Variants in ZC3H7A observed in about 807,000 individuals in gnomAD.
The protein encoded by ZC3H7A is zinc finger CCCH domain-containing protein 7A.
In ZC3H7A, 44 loss-of-function variants were observed where a neutral mutation model predicts 125.5. The observed-to-expected ratio is 0.35, with a 90% CI of 0.28 to 0.45. The LOEUF (loss-of-function observed/expected upper bound fraction) is 0.45, where lower values mean the gene tolerates loss of function less well. Among genes scored for constraint, ZC3H7A ranks in the 20% least tolerant of loss-of-function variants. The pLI, the probability that ZC3H7A is intolerant of heterozygous loss-of-function variation, is 1.00. For missense variants in ZC3H7A, 977 were observed against 1,170.7 expected, an observed-to-expected ratio of 0.83 and a Z score of 2.41; for synonymous variants, 399 against 391.2, an observed-to-expected ratio of 1.02 and a Z score of -0.23.
chr16:11,784,341 T>A (rs1040243577), intron 1 of ZC3H7A, among the ~76,000 whole-genome samples: 1 of 151,974 alleles, frequency 6.6e-6, no homozygotes, highest in Non-Finnish European at 1.5e-5. Flanking sequence ...ATTTATATAT[T>A]TTTTTAATTT....
chr16:11,774,091 G>A (rs1021274386), intron 9 of ZC3H7A, 145 bp downstream of exon 9: 3 of 762,404 alleles, frequency 3.9e-6, no homozygotes, highest in Non-Finnish European at 3.7e-6. Context: ...AGTTTCAGTA[G>A]AGAAGAAAAA....
rs1351178952 is a variant in ZC3H7A, at chr16:11,751,079, T to A, written c.*238A>T. The A allele has an allele frequency of 2.4e-6, 1 of 416,060 alleles. No individual in the cohort carries two copies. Among genetic ancestry groups the A allele is most frequent in the African/African-American group, 2.0e-5 (1 of 49,428 alleles). The allele number at this position is 416,060 out of a possible 1,614,324, so 25.8% of individuals were successfully genotyped here. ...CCAACACACTTCATCCAAAAGTCTG[T>A]TCAACAGATGGCAACCGGGTAGCAG... On this transcript the variant is annotated 3_prime_UTR_variant, in exon 23 of 23. Coordinates refer to ENST00000355758, the MANE Select transcript of ZC3H7A (RefSeq NM_014153.4).
chr16:11,795,231 T>C (rs1475097584), intron 1 of ZC3H7A, among the ~76,000 whole-genome samples: 1 of 152,134 alleles, frequency 6.6e-6, no homozygotes, highest in Admixed American at 6.5e-5. Context: ...TTTGGCTCAG[T>C]ATGAGAAGGA....
rs201654517 is a variant in ZC3H7A at position 11,794,542 on chromosome 16, G to GA, written c.-35+2581dup. Among the ~76,000 whole-genome samples, 1,204 of 151,512 alleles carry GA rather than the reference G, an allele frequency of 7.9e-3. 16 individuals carry two copies. The highest frequency in any genetic ancestry group is 0.027 in the African/African-American group (1,126 of 41,338). ...ATTCTGGAGAAAAATATTTTCACTA[G>GA]AAAAAAAACAAAACAAAACAGAACA... On this transcript the variant is annotated intron_variant, in intron 1 of 22. Transcript: ENST00000355758.
intron 1 of ZC3H7A, among the ~76,000 whole-genome samples, chr16:11,787,045 T>A (rs193163454): frequency 6.6e-6 from 1 of 152,116 alleles, no homozygotes; most frequent in Non-Finnish European, 1.5e-5. Flanking sequence ...CAGAGCCCTA[T>A]CAGGATATAG....
chr16:11,761,567 C>CA, intron 18 of ZC3H7A, 56 bp from the exon 19 acceptor site: 1 of 1,577,840 alleles, frequency 6.3e-7, no homozygotes, highest in East Asian at 2.2e-5. Context: ...AGACATAACA[C>CA]AAAGGGAGAG....
At position 11,775,013 on chromosome 16, in the gene ZC3H7A, C is replaced by A. The variant is rs142087765; in HGVS notation, c.586G>T (p.Ala196Ser). ...KSVPGDGATK[A>S]LNHSVEDIEP... Reference sequence around the variant, plus strand: ...ATATCTTCCACAGAATGGTTCAAAGCCTAGAAATTAAACCAAACAATGGGT... The same window carrying A: ...ATATCTTCCACAGAATGGTTCAAAGACTAGAAATTAAACCAAACAATGGGT... The change falls in exon 8 of 23, where the codon GCT (alanine) becomes TCT (serine). Residue 196 changes from alanine to serine, a missense_variant and splice_region_variant. Coordinates refer to ENST00000355758, the MANE Select transcript of ZC3H7A (RefSeq NM_014153.4). 10 of 1,614,024 alleles carry A rather than the reference C, an allele frequency of 6.2e-6. No individual in the cohort carries two copies. In the African/African-American group the frequency reaches 1.1e-4, roughly 17 times the overall value.
At position 11,768,387 on chromosome 16, in the gene ZC3H7A, C is replaced by T. The variant is rs1488057967; in HGVS notation, c.1288G>A (p.Val430Met). The T allele has an allele frequency of 6.3e-6, 10 of 1,598,582 alleles. No homozygotes were observed. The highest frequency in any genetic ancestry group is 7.7e-6 in the Non-Finnish European group (9 of 1,169,904). Residue 430 changes from valine (V) to methionine (M), a missense_variant, in exon 12 of 23, where the codon GTG becomes ATG. By Grantham distance (21) the Val-to-Met change is conservative. Coordinates refer to ENST00000355758, the MANE Select transcript of ZC3H7A (RefSeq NM_014153.4). ...GSAVTKPSSS[V>M]TPRHPLEGTH... ...CCTTCGAGGGGATGTCTTGGAGTCA[C>T]TGATGAAGATGGTTTGGTAACTGCA...
At chr16:11,754,324 ATAT>A (rs2052601818) in intron 21 of ZC3H7A, among the ~76,000 whole-genome samples, 1 of 94,960 alleles carries the variant, frequency 1.1e-5, no homozygotes, top group African/African-American at 4.3e-5. Context: ...AAAAAAAAAT[ATAT>A]ATATATATAT....
intron 1 of ZC3H7A, 180 bp downstream of exon 1, chr16:11,796,921 TCCCTCCGCGCGCACAGGCCCCGG>T (rs2053448405): frequency 6.8e-6 from 1 of 146,610 alleles, no homozygotes; most frequent in African/African-American, 2.5e-5. Context: ...CGCCCACCCG[TCCCTCCGCGCGCACAGGCCCCGG>T]CCCGGCTCCT....
At chr16:11,782,468 T>C (rs891371722) in intron 1 of ZC3H7A, 80 bp from the exon 2 acceptor site, 2 of 1,169,222 alleles carry the variant, frequency 1.7e-6, no homozygotes, top group Admixed American at 3.5e-5. Flanking sequence ...AATCCAGACC[T>C]TGTCACACAA....
chr16:11,787,439 C>G (rs1013396300), intron 1 of ZC3H7A, among the ~76,000 whole-genome samples: 1 of 152,136 alleles, frequency 6.6e-6, no homozygotes, highest in Non-Finnish European at 1.5e-5. Flanking sequence ...CCCCCCAACA[C>G]ACACCCCTTT....
intron 3 of ZC3H7A, 137 bp downstream of exon 3, chr16:11,781,283 AAAAAT>A (rs372902984): frequency 1.3e-4 from 94 of 722,554 alleles, no homozygotes; most frequent in Middle Eastern, 3.7e-4. Flanking sequence ...TTATTTGCAA[AAAAAT>A]AAAATAAAAT....
chr16:11,778,644 G>A (rs1444842048), intron 4 of ZC3H7A, among the ~76,000 whole-genome samples: 1 of 151,990 alleles, frequency 6.6e-6, no homozygotes, highest in Non-Finnish European at 1.5e-5. Context: ...AATCATCAAG[G>A]ACCAATAACT....
chr16:11,757,483 CAAAAAA>C (rs61471026), intron 20 of ZC3H7A, among the ~76,000 whole-genome samples: 49 of 40,978 alleles, frequency 1.2e-3, no homozygotes, highest in African/African-American at 3.9e-3. Flanking sequence ...GACTCTGTCT[CAAAAAA>C]AAAAAAAAAA....
chr16:11,788,046 C>T (rs1255262880), intron 1 of ZC3H7A, among the ~76,000 whole-genome samples: 4 of 151,946 alleles, frequency 2.6e-5, no homozygotes, highest in African/African-American at 9.7e-5. Flanking sequence ...TAAAAATATA[C>T]TATCTTATTT....
chr16:11,773,752 G>A (rs1445144989), intron 9 of ZC3H7A, among the ~76,000 whole-genome samples: 3 of 151,674 alleles, frequency 2.0e-5, no homozygotes, highest in East Asian at 1.9e-4. Context: ...GCGTGGTGGC[G>A]GGCGCCTGTA....
At chr16:11,787,434 C>T (rs2053273895) in intron 1 of ZC3H7A, among the ~76,000 whole-genome samples, 1 of 152,118 alleles carries the variant, frequency 6.6e-6, no homozygotes, top group Admixed American at 6.5e-5. Flanking sequence ...AATCTCCCCC[C>T]AACACACACC....
intron 3 of ZC3H7A, among the ~76,000 whole-genome samples, chr16:11,779,702 T>C (rs2053142334): frequency 6.6e-6 from 1 of 152,234 alleles, no homozygotes; most frequent in South Asian, 2.1e-4. Context: ...TTGAGCAGTA[T>C]TTCCAAATTG....
Sources: allele counts gnomAD v4.1 joint callset (sites outside exome capture counted in the v4.1 genomes callset), GRCh38; gene constraint gnomAD v4.1.1; transcripts MANE v1.5; gene names NCBI Gene and HGNC (gene_info 2026-07-23, HGNC 2026-07-21).